ABI3BP: variants seen among roughly 807,000 people sequenced by gnomAD.
The protein encoded by ABI3BP is ABI family member 3 binding protein.
Under a neutral mutation model 268.6 loss-of-function variants are expected in ABI3BP, and 216 were observed. The observed-to-expected ratio is 0.80, with a 90% CI of 0.72 to 0.90. The LOEUF (loss-of-function observed/expected upper bound fraction) is 0.90. ABI3BP is among the 40% of genes least tolerant of loss of function. ABI3BP has a pLI of 0.00. For synonymous variants in ABI3BP, 730 were observed against 730.0 expected (o/e 1.00, Z 0.00); for missense variants, 2,090 against 2,182.4 (o/e 0.96, Z 0.84).
chr3:100,756,732 T>G (rs535091018), intron 63 of ABI3BP, among the ~76,000 whole-genome samples: 13 of 151,534 alleles, frequency 8.6e-5, no homozygotes, highest in Non-Finnish European at 1.5e-4. Context: ...TACGTACACT[T>G]AAGCTCCATT....
Position 100,804,873 on chromosome 3 carries a change from G to A in ABI3BP, c.3683-7C>T, listed in dbSNP as rs767264777. 1.2e-6 allele frequency: 2 copies of A among 1,611,896 alleles called. No homozygotes were observed. The highest frequency in any genetic ancestry group is 1.7e-6 in the Non-Finnish European group (2 of 1,178,194). ...CGCTGGGGCACCTTAGGAACTGAAA[G>A]AGAGAACTCATATTGTAAGTCATTT... is the stretch of plus-strand genomic sequence containing the variant. On this transcript the variant is annotated splice_region_variant and splice_polypyrimidine_tract_variant and intron_variant, in intron 50 of 67. Transcript: ENST00000471714.
intron 62 of ABI3BP, among the ~76,000 whole-genome samples, chr3:100,769,816 A>C (rs1286871229): frequency 2.0e-5 from 3 of 152,354 alleles, no homozygotes; most frequent in African/African-American, 2.4e-5. Flanking sequence ...CTAGCTTTGC[A>C]TGAGAAAGGG....
chr3:100,992,566 G>C (rs908736469), intron 1 of ABI3BP, among the ~76,000 whole-genome samples: 1 of 152,206 alleles, frequency 6.6e-6, no homozygotes, highest in African/African-American at 2.4e-5. Context: ...AGAAACAAAA[G>C]TACATGCAAC....
chr3:100,809,077 G>T (rs1009584867), intron 49 of ABI3BP, among the ~76,000 whole-genome samples: 8 of 152,014 alleles, frequency 5.3e-5, no homozygotes, highest in Non-Finnish European at 1.2e-4. Context: ...TCTTCTTCCT[G>T]ATACTAAATG....
chr3:100,839,702 A>C, intron 23 of ABI3BP, 86 bp from the exon 24 acceptor site: 1 of 1,347,200 alleles, frequency 7.4e-7, no homozygotes, highest in Middle Eastern at 1.8e-4. Context: ...CTGGGACACT[A>C]CCTAAATGAT....
chr3:100,918,557 G>T (rs774106463), intron 2 of ABI3BP, among the ~76,000 whole-genome samples: 2 of 152,034 alleles, frequency 1.3e-5, no homozygotes, highest in Non-Finnish European at 2.9e-5. Flanking sequence ...GATATTCATG[G>T]AGAGGGACTG....
chr3:100,758,722 T>A (rs534157443), intron 63 of ABI3BP, among the ~76,000 whole-genome samples: 1 of 152,294 alleles, frequency 6.6e-6, no homozygotes, highest in East Asian at 1.9e-4. Context: ...GGGTATTGTT[T>A]GACACCAACA....
Position 100,902,727 on chromosome 3 carries a change from A to G in ABI3BP, c.260-41T>C, listed in dbSNP as rs555045978. ...TTATTTATCAGAAAAACCCTTTGAG[A>G]ACCAGCATTGGAGGCAGCACACCCC... On this transcript the variant is annotated intron_variant, in intron 2 of 67. Coordinates refer to ENST00000471714, the MANE Select transcript of ABI3BP (RefSeq NM_001375547.2). The G allele has an allele frequency of 8.5e-5, 134 of 1,567,806 alleles. 4 individuals are homozygous for G. In the South Asian group the frequency reaches 1.5e-3, roughly 17 times the overall value.
At chr3:100,927,650 A>G (rs1487697885) in intron 1 of ABI3BP, among the ~76,000 whole-genome samples, 1 of 152,054 alleles carries the variant, frequency 6.6e-6, no homozygotes, top group Non-Finnish European at 1.5e-5. Flanking sequence ...GGTGCCACAT[A>G]CCTTTAAACA....
chr3:100,875,188 G>A (rs1216122406), intron 8 of ABI3BP, among the ~76,000 whole-genome samples: 1 of 152,208 alleles, frequency 6.6e-6, no homozygotes, highest in Non-Finnish European at 1.5e-5. Context: ...GGCTGCTTAA[G>A]ATGTGTGGTG....
intron 2 of ABI3BP, among the ~76,000 whole-genome samples, chr3:100,922,138 T>C (rs1253439175): frequency 6.6e-6 from 1 of 152,256 alleles, no homozygotes; most frequent in Non-Finnish European, 1.5e-5. Flanking sequence ...TGCTCTTGTA[T>C]AGCACTTTGT....
At chr3:100,792,015 G>T (rs1040886452) in intron 55 of ABI3BP, among the ~76,000 whole-genome samples, 1 of 151,732 alleles carries the variant, frequency 6.6e-6, no homozygotes, top group Non-Finnish European at 1.5e-5. Context: ...GCAGAGATGG[G>T]CAAAAGGGGT....
In ABI3BP at chr3:100,916,370, G is replaced by C. The variant is rs141036605; in HGVS notation, c.259+9932C>G. Among the ~76,000 whole-genome samples the C allele has an allele frequency of 1.8e-3, 272 of 152,306 alleles. 1 individual carries two copies. Among genetic ancestry groups the C allele is most frequent in the African/African-American group, 6.2e-3 (256 of 41,566 alleles). ...CTTGTCAGCTTTTCCATGTAGGAGT[G>C]GGGAGTCAGGAATAATTTACACAAG... On this transcript the variant is annotated intron_variant, in intron 2 of 67. Transcript: ENST00000471714.
intron 2 of ABI3BP, among the ~76,000 whole-genome samples, chr3:100,913,649 T>A (rs1167352529): frequency 2.0e-5 from 3 of 152,320 alleles, no homozygotes; most frequent in Admixed American, 1.3e-4. Flanking sequence ...TAATGTCAAC[T>A]TTACTATGTT....
intron 1 of ABI3BP, among the ~76,000 whole-genome samples, chr3:100,934,297 A>G (rs1583980116): frequency 6.6e-6 from 1 of 152,064 alleles, no homozygotes; most frequent in African/African-American, 2.4e-5. Flanking sequence ...CCATGTCCCT[A>G]CAAAGGACAT....
chr3:100,772,642 A>T (rs2096581937), intron 61 of ABI3BP, among the ~76,000 whole-genome samples: 1 of 152,224 alleles, frequency 6.6e-6, no homozygotes, highest in South Asian at 2.1e-4. Context: ...TGAAATCGTA[A>T]CATACTCAAC....
At position 100,809,212 on chromosome 3, in the gene ABI3BP, C is replaced by T. The variant is rs567131822; in HGVS notation, c.3608-977G>A. Among the ~76,000 whole-genome samples, 76 of 152,154 alleles carry T rather than the reference C, an allele frequency of 5.0e-4. 1 individual carries two copies. The highest frequency in any genetic ancestry group is 1.7e-3 in the African/African-American group (71 of 41,542). On this transcript the variant is annotated intron_variant, in intron 49 of 67. Transcript: ENST00000471714. ...ACCTGGGGATTTAGAGCTCCCTTTG[C>T]TAATCACTGGGTCTAAGGTCTCAGT...
chr3:100,843,820 G>A, intron 20 of ABI3BP: 2 of 985,174 alleles, frequency 2.0e-6, no homozygotes, highest in Non-Finnish European at 2.4e-6. Context: ...TGTAATTCAT[G>A]TTTTTGATTC....
At chr3:100,964,454 A>G (rs1276444408) in intron 1 of ABI3BP, among the ~76,000 whole-genome samples, 1 of 152,106 alleles carries the variant, frequency 6.6e-6, no homozygotes, top group Non-Finnish European at 1.5e-5. Context: ...CTCTCTCTCT[A>G]TGGAGAGCGC....
Sources: allele counts gnomAD v4.1 joint callset (sites outside exome capture counted in the v4.1 genomes callset), GRCh38; gene constraint gnomAD v4.1.1; transcripts MANE v1.5; gene names NCBI Gene and HGNC (gene_info 2026-07-23, HGNC 2026-07-21).